WDR33: variants seen among roughly 807,000 people sequenced by gnomAD.
WDR33 encodes WD repeat domain 33.
WDR33 carries 47 observed loss-of-function variants against 164.9 expected under a neutral mutation model. The observed-to-expected ratio is 0.29, with a 90% CI of 0.23 to 0.36. The LOEUF (loss-of-function observed/expected upper bound fraction) is 0.36. Among genes scored for constraint, WDR33 ranks in the 10% least tolerant of loss-of-function variants. The pLI, the probability that WDR33 is intolerant of heterozygous loss-of-function variation, is 1.00. For synonymous variants in WDR33, 505 were observed against 589.0 expected, an observed-to-expected ratio of 0.86 and a Z score of 2.06; for missense variants, 1,137 against 1,754.1, an observed-to-expected ratio of 0.65 and a Z score of 6.28.
intron 7 of WDR33, among the ~76,000 whole-genome samples, chr2:127,749,265 T>G (rs985377053): frequency 3.3e-5 from 5 of 152,276 alleles, no homozygotes; most frequent in South Asian, 2.1e-4. Flanking sequence ...GCCCAGGCAG[T>G]TGAGGCTCCA....
chr2:127,714,294 C>T lies in WDR33; in HGVS notation c.2870-273G>A, dbSNP rs1357549182. Among the ~76,000 whole-genome samples the T allele has an allele frequency of 2.0e-5, 3 of 152,184 alleles. No homozygotes were observed. The highest frequency in any genetic ancestry group is 4.8e-5 in the African/African-American group (2 of 41,438). ...GCATCTGTCCATCTCTTAGTATACA[C>T]TGGAAAAATGAGAGAGCCTCCTGGG... is the stretch of plus-strand genomic sequence containing the variant. On this transcript the variant is annotated intron_variant, in intron 17 of 21. Coordinates refer to ENST00000322313, the MANE Select transcript of WDR33 (RefSeq NM_018383.5). This position sits in a 1 kb window ranked among gnomAD's most constrained non-coding sequence, Gnocchi z 4.3.
At position 127,737,413 on chromosome 2, in the gene WDR33, T is replaced by C. The variant is rs1015962696; in HGVS notation, c.725-10636A>G. On this transcript the variant is annotated intron_variant, in intron 7 of 21. Transcript: ENST00000322313. ...TGTTATTCAACAGTCACAGGTTCTC[T>C]AGTAAACATTTCTGCAGATATTCAC... is the stretch of plus-strand genomic sequence containing the variant. 4.5e-5 allele frequency: 44 copies of C among 985,398 alleles called. No individual in the cohort carries two copies. The African/African-American group carries it at 6.8e-4, about 15-fold the overall frequency. The allele number at this position is 985,398 out of a possible 1,614,324, so 61.0% of individuals were successfully genotyped here. A position where few individuals can be genotyped will look rare whatever the true frequency, so the allele number is the denominator to read the frequency against.
In WDR33 at chr2:127,709,413, C is replaced by T; in HGVS notation, c.3565+77G>A. The T allele has an allele frequency of 2.1e-6, 3 of 1,408,722 alleles. No individual in the cohort carries two copies. The highest frequency in any genetic ancestry group is 2.0e-6 in the Non-Finnish European group (2 of 999,070). 87.3% of individuals were successfully genotyped at this position (1,408,722 alleles called of 1,614,324 possible). ...TGAGCTGGAAAGAGGAGACCCGGTGCACCCCAGAGAGGGCCCTCAGAACTC... is the reference window on the plus strand; with the variant it reads ...TGAGCTGGAAAGAGGAGACCCGGTGTACCCCAGAGAGGGCCCTCAGAACTC... On this transcript the variant is annotated intron_variant, in intron 20 of 21. Coordinates refer to ENST00000322313, the MANE Select transcript of WDR33 (RefSeq NM_018383.5). The surrounding 1 kb of genome is among the most constrained non-coding windows in gnomAD (Gnocchi z 5.0).
intron 1 of WDR33, among the ~76,000 whole-genome samples, chr2:127,803,695 A>G (rs1689332041): frequency 6.6e-6 from 1 of 152,202 alleles, no homozygotes. Flanking sequence ...TGGTTTATAA[A>G]TAATATTTTC....
chr2:127,725,735 AAATAAT>A (rs56352036), intron 8 of WDR33, among the ~76,000 whole-genome samples: 20,916 of 140,910 alleles, frequency 0.15, 1,691 homozygotes, highest in South Asian at 0.24. Flanking sequence ...CTCTGTCTCA[AAATAAT>A]AATAATAATA....
At chr2:127,765,054 T>C in intron 5 of WDR33, 75 bp from the exon 6 acceptor site, 1 of 1,569,600 alleles carries the variant, frequency 6.4e-7, no homozygotes, top group Non-Finnish European at 8.7e-7. Context: ...CAAGAGCATA[T>C]AACTGACTCG....
chr2:127,725,970 C>T (rs944723447), intron 8 of WDR33, among the ~76,000 whole-genome samples: 4 of 152,122 alleles, frequency 2.6e-5, no homozygotes, highest in Admixed American at 2.6e-4. Flanking sequence ...AATGCAACAA[C>T]CCCTGGCCTG....
intron 1 of WDR33, among the ~76,000 whole-genome samples, chr2:127,806,718 A>G (rs1455569479): frequency 1.3e-5 from 2 of 151,222 alleles, no homozygotes; most frequent in Non-Finnish European, 2.9e-5. Flanking sequence ...AGATGATGCT[A>G]AAGATTTCAT....
intron 1 of WDR33, among the ~76,000 whole-genome samples, chr2:127,803,849 G>A (rs1689338454): frequency 6.6e-6 from 1 of 151,116 alleles, no homozygotes; most frequent in Non-Finnish European, 1.5e-5. Context: ...TTGGGAGACT[G>A]AGGTAGGAGA....
rs1053535108 is a variant in WDR33, at chr2:127,716,116, T to C, written c.2869+1039A>G. The stretch of plus-strand genomic sequence containing the variant: ...CGCTGTGGGCCACGTTCCTTCTGTA[T>C]AGCCTCTGCTACCACTTCCACACAA... On this transcript the variant is annotated intron_variant, in intron 17 of 21. Coordinates refer to ENST00000322313, the MANE Select transcript of WDR33 (RefSeq NM_018383.5). This position sits in a 1 kb window ranked among gnomAD's most constrained non-coding sequence, Gnocchi z 4.5. 6.6e-6 allele frequency among the ~76,000 whole-genome samples: 1 copy of C among 152,172 alleles called. No homozygotes were observed. The highest frequency in any genetic ancestry group is 1.5e-5 in the Non-Finnish European group (1 of 68,038).
In WDR33 at chr2:127,764,672, G is replaced by T. The variant is rs557234431; in HGVS notation, c.626+156C>A. The T allele has an allele frequency of 3.8e-6, 6 of 1,582,272 alleles. No homozygotes were observed. The highest frequency in any genetic ancestry group is 2.4e-5 in the East Asian group (1 of 42,494). On this transcript the variant is annotated intron_variant, in intron 6 of 21. Transcript: ENST00000322313. The surrounding 1 kb of genome is among the most constrained non-coding windows in gnomAD (Gnocchi z 6.2). ...TTCAGAAAGGTGCCAGCAAAATGGT[G>T]AATGTGTGAAAACAAAGAAAAATAT...
chr2:127,701,519 C>A lies in WDR33; in HGVS notation c.*4804G>T. 2 of 1,305,552 alleles carry A rather than the reference C, an allele frequency of 1.5e-6. No individual in the cohort carries two copies. Among genetic ancestry groups the A allele is most frequent in the Non-Finnish European group, 9.8e-7 (1 of 1,023,946 alleles). The allele number at this position is 1,305,552 out of a possible 1,614,324, so 80.9% of individuals were successfully genotyped here. The stretch of plus-strand genomic sequence containing the variant: ...CGCAGCTTTTCCTTTCTGCCACCGC[C>A]TTGTCCAAGATGGCGGACCTCCACC... On this transcript the variant is annotated 3_prime_UTR_variant, in exon 22 of 22. Coordinates refer to ENST00000322313, the MANE Select transcript of WDR33 (RefSeq NM_018383.5).
intron 7 of WDR33, among the ~76,000 whole-genome samples, chr2:127,750,677 A>AAATATAT (rs1558936792): frequency 5.6e-5 from 2 of 35,802 alleles, no homozygotes; most frequent in Non-Finnish European, 8.8e-5. Flanking sequence ...AAAAAAAAAA[A>AAATATAT]ATATATATAT....
Position 127,724,974 on chromosome 2 carries a change from C to T in WDR33, c.1007-9G>A, listed in dbSNP as rs771559788. ...AGGATGCCAGGCCACAGCTGCAGAA[C>T]AAAAACATGGGAAAAGACACAATTA... On this transcript the variant is annotated splice_polypyrimidine_tract_variant and intron_variant, in intron 9 of 21. Transcript: ENST00000322313. The surrounding 1 kb of genome is among the most constrained non-coding windows in gnomAD (Gnocchi z 4.8). The T allele has an allele frequency of 1.2e-6, 2 of 1,614,124 alleles. No individual in the cohort carries two copies. The highest frequency in any genetic ancestry group is 1.7e-6 in the Non-Finnish European group (2 of 1,179,996).
chr2:127,772,730 A>C (rs960339705), intron 1 of WDR33, among the ~76,000 whole-genome samples: 2 of 152,162 alleles, frequency 1.3e-5, no homozygotes, highest in African/African-American at 4.8e-5. Context: ...GAAGAGGAAA[A>C]TGTTAAGACC....
intron 4 of WDR33, among the ~76,000 whole-genome samples, chr2:127,767,072 G>C (rs1687845191): frequency 6.6e-6 from 1 of 152,076 alleles, no homozygotes; most frequent in South Asian, 2.1e-4. Context: ...AGGCCTCTCA[G>C]GCAAATAAGA....
At chr2:127,750,705 T>TATATGTATGCATAC (rs1687321179) in intron 7 of WDR33, among the ~76,000 whole-genome samples, 8 of 58,088 alleles carry the variant, frequency 1.4e-4, no homozygotes, top group African/African-American at 3.1e-4. Context: ...TATATATATA[T>TATATGTATGCATAC]ATATATATGT....
intron 7 of WDR33, among the ~76,000 whole-genome samples, chr2:127,746,174 A>G (rs1199283531): frequency 6.6e-6 from 1 of 152,308 alleles, no homozygotes; most frequent in East Asian, 1.9e-4. Context: ...GAGGACTTAC[A>G]TAAATAAAGC....
intron 7 of WDR33, among the ~76,000 whole-genome samples, chr2:127,761,021 A>T (rs1038963347): frequency 1.1e-4 from 17 of 152,210 alleles, no homozygotes; most frequent in African/African-American, 3.9e-4. Flanking sequence ...TCTAAATTTC[A>T]AAGGAAAGTT....
Sources: allele counts gnomAD v4.1 joint callset (sites outside exome capture counted in the v4.1 genomes callset), GRCh38; gene constraint gnomAD v4.1.1; non-coding constraint Gnocchi (gnomAD v3.1); transcripts MANE v1.5; gene names NCBI Gene and HGNC (gene_info 2026-07-23, HGNC 2026-07-21).